Variants in KIF1A observed in about 807,000 individuals in gnomAD.
KIF1A encodes kinesin-like protein KIF1A.
KIF1A carries 46 observed loss-of-function variants against 227.3 expected under a neutral mutation model. That is an observed-to-expected ratio of 0.20 (90% CI 0.16 to 0.26). The LOEUF (loss-of-function observed/expected upper bound fraction) is 0.26. KIF1A is among the 10% of genes least tolerant of loss of function. KIF1A has a pLI of 1.00. For synonymous variants in KIF1A, 1,022 were observed against 1,012.8 expected (o/e 1.01, Z -0.17); for missense variants, 1,683 against 2,485.9 (o/e 0.68, Z 6.87).
intron 41 of KIF1A, 150 bp downstream of exon 41, chr2:240,723,825 C>T (rs2125607392): frequency 1.2e-6 from 1 of 800,804 alleles, no homozygotes; most frequent in East Asian, 2.6e-5. Context: ...GCTCTCCTCC[C>T]ATCTCAGAAC....
Position 240,745,420 on chromosome 2 carries a change from A to G in KIF1A, c.3465+7T>C. The G allele has an allele frequency of 1.2e-6, 2 of 1,607,144 alleles. No individual in the cohort carries two copies. The highest frequency in any genetic ancestry group is 1.7e-6 in the Non-Finnish European group (2 of 1,174,052). Reference sequence around the variant, plus strand: ...GCAGGGATGGGGAGAAGTGCCCAGGAACGTACGTTCTGGACGTGGTAGAAG... The same window carrying G: ...GCAGGGATGGGGAGAAGTGCCCAGGGACGTACGTTCTGGACGTGGTAGAAG... On this transcript the variant is annotated splice_region_variant and intron_variant, in intron 32 of 48. Transcript: ENST00000498729.
intron 10 of KIF1A, among the ~76,000 whole-genome samples, chr2:240,780,830 C>CCACACACACACACACACACACACA (rs772178620): frequency 2.0e-4 from 2 of 10,066 alleles, no homozygotes; most frequent in Non-Finnish European, 3.6e-4. Flanking sequence ...ACACACAGCT[C>CCACACACACACACACACACACACA]CACACACACA....
At position 240,736,886 on chromosome 2, in the gene KIF1A, C is replaced by T. The variant is rs144412679; in HGVS notation, c.4007+177G>A. ...GCAACGAGGTGCACAAACGAGGAGCCGGGGGTGCAGAGGCCACCAGCCCCT... is the reference window on the plus strand; with the variant it reads ...GCAACGAGGTGCACAAACGAGGAGCTGGGGGTGCAGAGGCCACCAGCCCCT... On this transcript the variant is annotated intron_variant, in intron 38 of 48. Transcript: ENST00000498729. This position sits in a 1 kb window ranked among gnomAD's most constrained non-coding sequence, Gnocchi z 4.7. 5.3e-5 allele frequency among the ~76,000 whole-genome samples: 8 copies of T among 152,262 alleles called. No homozygotes were observed. The highest frequency in any genetic ancestry group is 1.3e-4 in the Admixed American group (2 of 15,298).
rs1232607807 is a variant in KIF1A, at chr2:240,720,977, G to A, written c.4805C>T (p.Thr1602Ile). 1 of 1,607,730 alleles carries A rather than the reference G, an allele frequency of 6.2e-7. No homozygotes were observed. The change falls in exon 45 of 49, where the codon ACT (threonine) becomes ATT (isoleucine). Residue 1602 changes from threonine to isoleucine, a missense_variant. By Grantham distance (89) the Thr-to-Ile change is moderately conservative. Transcript: ENST00000498729. ...DPSMSPLGVATLTPSSTCPSL... is the reference protein window; with the variant it reads ...DPSMSPLGVAILTPSSTCPSL... The stretch of plus-strand genomic sequence containing the variant: ...GGGGCAAGTGGAGGAGGGGGTGAGA[G>A]TGGCCACCCCTAGAGGGGACATCGA...
intron 27 of KIF1A, among the ~76,000 whole-genome samples, chr2:240,751,689 C>G (rs1199072386): frequency 6.6e-6 from 1 of 152,110 alleles, no homozygotes; most frequent in Non-Finnish European, 1.5e-5. Flanking sequence ...CAGACACATC[C>G]CCCCATGCCC....
At chr2:240,732,575 T>C (rs1473642532) in intron 38 of KIF1A, among the ~76,000 whole-genome samples, 3 of 17,734 alleles carry the variant, frequency 1.7e-4, no homozygotes, top group Non-Finnish European at 1.1e-4. Context: ...GAGGGGGGTA[T>C]GAGGGGATGA....
chr2:240,780,864 AGCTC>A (rs1166796588), intron 10 of KIF1A, among the ~76,000 whole-genome samples: 26 of 85,912 alleles, frequency 3.0e-4, no homozygotes, highest in Non-Finnish European at 4.6e-4. Context: ...ACACACACAC[AGCTC>A]CACACACACA....
intron 1 of KIF1A, among the ~76,000 whole-genome samples, chr2:240,801,811 C>T (rs1235195285): frequency 1.3e-5 from 2 of 152,216 alleles, no homozygotes; most frequent in African/African-American, 4.8e-5. Context: ...GTGCCTTACT[C>T]TTGAGCTTCC....
At chr2:240,749,014 T>C (rs968884664) in intron 28 of KIF1A, among the ~76,000 whole-genome samples, 4 of 151,954 alleles carry the variant, frequency 2.6e-5, no homozygotes, top group Non-Finnish European at 5.9e-5. Flanking sequence ...CCAGCTACTC[T>C]ACTCGGCAGG....
At chr2:240,738,845 T>A (rs901452926) in intron 37 of KIF1A, among the ~76,000 whole-genome samples, 2 of 152,190 alleles carry the variant, frequency 1.3e-5, no homozygotes, top group African/African-American at 4.8e-5. Flanking sequence ...CCCTCTTCCT[T>A]CTCTCCTGTC....
chr2:240,725,593 G>C lies in KIF1A; in HGVS notation c.4123-189C>G. The C allele has an allele frequency of 4.9e-6, 3 of 616,000 alleles. No homozygotes were observed. Among genetic ancestry groups the C allele is most frequent in the South Asian group, 4.1e-5 (2 of 48,600 alleles). 38.2% of individuals were successfully genotyped at this position (616,000 alleles called of 1,614,324 possible). On this transcript the variant is annotated intron_variant, in intron 39 of 48. Coordinates refer to ENST00000498729, the MANE Select transcript of KIF1A (RefSeq NM_001244008.2). This position sits in a 1 kb window ranked among gnomAD's most constrained non-coding sequence, Gnocchi z 5.8. Reference sequence around the variant, plus strand: ...CCTGCCCTCGAGAAAACCCCACTGGGGACAGGTAGCCACAGCTCTGTCCAC... The same window carrying C: ...CCTGCCCTCGAGAAAACCCCACTGGCGACAGGTAGCCACAGCTCTGTCCAC...
chr2:240,776,516 G>C (rs1352810476), intron 10 of KIF1A, among the ~76,000 whole-genome samples: 1 of 152,158 alleles, frequency 6.6e-6, no homozygotes, highest in Non-Finnish European at 1.5e-5. Flanking sequence ...CCTCCCCTCA[G>C]AATGAAGCAT....
intron 12 of KIF1A, 121 bp downstream of exon 12, chr2:240,774,062 A>G: frequency 1.7e-6 from 1 of 588,946 alleles, no homozygotes; most frequent in East Asian, 2.9e-5. Context: ...CACAGAGTCC[A>G]GGGTATACCC....
At chr2:240,804,222 C>T (rs780775344) in intron 1 of KIF1A, among the ~76,000 whole-genome samples, 10 of 152,166 alleles carry the variant, frequency 6.6e-5, no homozygotes, top group African/African-American at 1.7e-4. Flanking sequence ...GCCACGATCA[C>T]GCCACTGCAC....
At chr2:240,795,985 G>A (rs995677006) in intron 2 of KIF1A, among the ~76,000 whole-genome samples, 68 of 152,198 alleles carry the variant, frequency 4.5e-4, no homozygotes, top group African/African-American at 1.6e-3. Context: ...AGACTGAGGT[G>A]GCAATTGTGC....
chr2:240,724,271 C>CCCATGGAGGGGCACACACT, intron 40 of KIF1A: 1 of 570,888 alleles, frequency 1.8e-6, no homozygotes, highest in Non-Finnish European at 3.2e-6. Context: ...GGGGCTGTGA[C>CCCATGGAGGGGCACACACT]GTGAGGCCAG....
chr2:240,750,635 A>C (rs1012416980), intron 27 of KIF1A, 88 bp from the exon 28 acceptor site: 1 of 958,584 alleles, frequency 1.0e-6, no homozygotes, highest in Non-Finnish European at 1.6e-6. Context: ...GGCTCACGAC[A>C]CAACATGGAG....
chr2:240,760,645 C>A lies in KIF1A; in HGVS notation c.2444+20G>T. 6.9e-7 allele frequency: 1 copy of A among 1,446,228 alleles called. No homozygotes were observed. The highest frequency in any genetic ancestry group is 9.1e-7 in the Non-Finnish European group (1 of 1,098,542). The allele number at this position is 1,446,228 out of a possible 1,614,324, so 89.6% of individuals were successfully genotyped here. A position where few individuals can be genotyped will look rare whatever the true frequency, so the allele number is the denominator to read the frequency against. The stretch of plus-strand genomic sequence containing the variant: ...CAGGAGGACCCTCCCACCATCCACC[C>A]AGCGGCCCTCCAGCCCCACCTGAGC... On this transcript the variant is annotated intron_variant, in intron 25 of 48. Coordinates refer to ENST00000498729, the MANE Select transcript of KIF1A (RefSeq NM_001244008.2).
intron 1 of KIF1A, among the ~76,000 whole-genome samples, chr2:240,812,042 G>A (rs2057905837): frequency 6.6e-6 from 1 of 152,182 alleles, no homozygotes; most frequent in African/African-American, 2.4e-5. Context: ...CCCCAGGACA[G>A]AGGAGAGGGG....
Sources: gnomAD v4.1 joint callset for allele counts (sites outside exome capture counted in the v4.1 genomes callset) on GRCh38, gnomAD v4.1.1 for gene constraint, Gnocchi (gnomAD v3.1) non-coding constraint, MANE v1.5 for transcripts, NCBI Gene and HGNC (gene_info 2026-07-23, HGNC 2026-07-21) for gene names.